NFXL1: variants seen among roughly 807,000 people sequenced by gnomAD.
NFXL1 encodes the protein NF-X1-type zinc finger protein NFXL1.
NFXL1 carries 66 observed loss-of-function variants against 123.3 expected under a neutral mutation model. The ratio of observed to expected loss-of-function variants is 0.54; its 90% CI spans 0.44 to 0.66. The LOEUF (loss-of-function observed/expected upper bound fraction) is 0.66. Among genes scored for constraint, NFXL1 ranks in the 30% least tolerant of loss-of-function variants. The pLI is 0.00. For missense variants in NFXL1, 944 were observed against 1,125.6 expected (o/e 0.84, Z 2.31); for synonymous variants, 346 against 360.8 (o/e 0.96, Z 0.46).
intron 5 of NFXL1, among the ~76,000 whole-genome samples, chr4:47,901,938 T>C (rs1737370851): frequency 6.6e-6 from 1 of 152,316 alleles, no homozygotes; most frequent in East Asian, 1.9e-4. Flanking sequence ...TCTCAGCACT[T>C]TGAGGGGCCA....
chr4:47,884,782 T>G (rs901581676), intron 14 of NFXL1, among the ~76,000 whole-genome samples: 1 of 152,178 alleles, frequency 6.6e-6, no homozygotes, highest in Non-Finnish European at 1.5e-5. Flanking sequence ...CTCACTGTTG[T>G]TCCTCAGCAC....
In NFXL1 at chr4:47,847,635, T is replaced by C. The variant is rs1733885308; in HGVS notation, c.*528A>G. ...GAACACGCCCCATGACATTTATTGA[T>C]AAAAATTCCTCACTAATAAACCAAT... On this transcript the variant is annotated 3_prime_UTR_variant, in exon 23 of 23. Transcript: ENST00000507489. The C allele has an allele frequency of 6.6e-6, 1 of 152,646 alleles. No homozygotes were observed. Among genetic ancestry groups the C allele is most frequent in the Admixed American group, 6.5e-5 (1 of 15,282 alleles). 9.5% of individuals were successfully genotyped at this position (152,646 alleles called of 1,614,324 possible). A position where few individuals can be genotyped will look rare whatever the true frequency, so the allele number is the denominator to read the frequency against.
chr4:47,890,585 T>G (rs749955530), intron 12 of NFXL1, 28 bp downstream of exon 12: 1 of 1,252,848 alleles, frequency 8.0e-7, no homozygotes, highest in Admixed American at 1.7e-5. Flanking sequence ...ACTACAAACA[T>G]AAAATCATAG....
At position 47,884,457 on chromosome 4, in the gene NFXL1, G is replaced by A. The variant is rs773916282; in HGVS notation, c.1825-20C>T. On this transcript the variant is annotated intron_variant, in intron 14 of 22. Coordinates refer to ENST00000507489, the MANE Select transcript of NFXL1 (RefSeq NM_001278624.2). ...CTGGTGCTACAAATAAAATACATAAGAATTTTAAGTCAGAGGGATTAAATC... is the reference window on the plus strand; with the variant it reads ...CTGGTGCTACAAATAAAATACATAAAAATTTTAAGTCAGAGGGATTAAATC... 1 of 1,469,374 alleles carries A rather than the reference G, an allele frequency of 6.8e-7. No individual in the cohort carries two copies. The allele number at this position is 1,469,374 out of a possible 1,614,324, so 91.0% of individuals were successfully genotyped here.
At chr4:47,892,633 T>C (rs1014318734) in intron 11 of NFXL1, among the ~76,000 whole-genome samples, 46 of 152,198 alleles carry the variant, frequency 3.0e-4, no homozygotes, top group African/African-American at 1.0e-3. Flanking sequence ...GCCTCAGTAA[T>C]GGGGCCAAAT....
intron 18 of NFXL1, among the ~76,000 whole-genome samples, chr4:47,874,130 A>G (rs2110064248): frequency 6.6e-6 from 1 of 152,356 alleles, no homozygotes; most frequent in South Asian, 2.1e-4. Flanking sequence ...CCAAACCACT[A>G]AAACTTTCTC....
At chr4:47,894,141 A>C (rs374081421) in intron 11 of NFXL1, 39 bp downstream of exon 11, 2 of 1,524,598 alleles carry the variant, frequency 1.3e-6, no homozygotes, top group African/African-American at 2.8e-5. Context: ...AATTCAATAT[A>C]GTCTTTAAAT....
chr4:47,903,096 A>C, intron 5 of NFXL1, 97 bp downstream of exon 5: 1 of 687,170 alleles, frequency 1.5e-6, no homozygotes, highest in Non-Finnish European at 2.3e-6. Flanking sequence ...TGGAGGTTGC[A>C]GTGAGCCAAG....
At chr4:47,875,011 G>A (rs1735660889) in intron 18 of NFXL1, 116 bp downstream of exon 18, 1 of 541,016 alleles carries the variant, frequency 1.8e-6, no homozygotes, top group South Asian at 3.9e-5. Flanking sequence ...GGTCTCTACT[G>A]GAAAATCTAG....
chr4:47,894,380 T>TA (rs1188222356), intron 10 of NFXL1, 78 bp from the exon 11 acceptor site: 16 of 1,060,144 alleles, frequency 1.5e-5, no homozygotes, highest in Non-Finnish European at 2.0e-5. Context: ...CTACAATTAT[T>TA]AAAACATAAT....
At chr4:47,900,266 GTGGCGC>G (rs1032505819) in intron 5 of NFXL1, among the ~76,000 whole-genome samples, 8 of 152,000 alleles carry the variant, frequency 5.3e-5, no homozygotes, top group African/African-American at 1.9e-4. Flanking sequence ...CTGGAGTATA[GTGGCGC>G]AATCTCGGCT....
chr4:47,852,055 T>G (rs1280107941), intron 20 of NFXL1, 113 bp from the exon 21 acceptor site: 1 of 607,566 alleles, frequency 1.6e-6, no homozygotes, highest in Non-Finnish European at 2.9e-6. Flanking sequence ...ATTTGATGTC[T>G]TAATATTTAA....
chr4:47,870,547 T>C (rs1199295070), intron 18 of NFXL1, among the ~76,000 whole-genome samples: 2 of 151,770 alleles, frequency 1.3e-5, no homozygotes, highest in East Asian at 3.9e-4. Flanking sequence ...TGATAGGAGA[T>C]GACAGAAATC....
intron 18 of NFXL1, among the ~76,000 whole-genome samples, chr4:47,874,483 C>T (rs564286949): frequency 6.6e-6 from 1 of 152,280 alleles, no homozygotes; most frequent in South Asian, 2.1e-4. Flanking sequence ...GCAGTTCAAT[C>T]ACACACAATA....
rs889751461 is a variant in NFXL1, at chr4:47,848,174, C to T, written c.2725G>A (p.Asp909Asn). The change falls in exon 23 of 23, where the codon GAT becomes AAT. Residue 909 changes from aspartate (D) to asparagine (N), a missense_variant. Asp to Asn is a conservative substitution (Grantham distance 23). Transcript: ENST00000507489. ...VVVFAWYITH[D>N]VN ...GATCAAAACTTTTTTTAATTGACAT[C>T]ATGGGTGATGTACCAGGCAAACACT... 6.3e-7 allele frequency: 1 copy of T among 1,577,324 alleles called. No homozygotes were observed. Among genetic ancestry groups the T allele is most frequent in the South Asian group, 1.2e-5 (1 of 84,890 alleles).
intron 22 of NFXL1, among the ~76,000 whole-genome samples, chr4:47,848,786 G>A (rs931812941): frequency 6.6e-6 from 1 of 152,136 alleles, no homozygotes. Flanking sequence ...CTACTCGGGA[G>A]GCTAAGGCAG....
chr4:47,857,604 A>G lies in NFXL1; in HGVS notation c.2317-2441T>C, dbSNP rs556117118. ...TGGCTAGGTCTTCTGCCTTCAATAA[A>G]TGTATCTTTTTTTCTCTAAACCCTT... On this transcript the variant is annotated intron_variant, in intron 19 of 22. Transcript: ENST00000507489. Among the ~76,000 whole-genome samples the G allele has an allele frequency of 1.1e-3, 175 of 152,274 alleles. 2 individuals carry two copies. Among genetic ancestry groups the G allele is most frequent in the African/African-American group, 4.1e-3 (172 of 41,558 alleles).
At chr4:47,866,390 C>T (rs1274155481) in intron 18 of NFXL1, among the ~76,000 whole-genome samples, 1 of 152,184 alleles carries the variant, frequency 6.6e-6, no homozygotes, top group Non-Finnish European at 1.5e-5. Flanking sequence ...CCCACACTGG[C>T]AAGAGAGTGG....
chr4:47,914,181 A>G lies in NFXL1; in HGVS notation c.23T>C (p.Val8Ala). The G allele has an allele frequency of 6.6e-7, 1 of 1,519,080 alleles. No individual in the cohort carries two copies. The highest frequency in any genetic ancestry group is 8.8e-7 in the Non-Finnish European group (1 of 1,131,508). The allele number at this position is 1,519,080 out of a possible 1,614,324, so 94.1% of individuals were successfully genotyped here. A position where few individuals can be genotyped will look rare whatever the true frequency, so the allele number is the denominator to read the frequency against. The change falls in exon 2 of 23, where the codon GTG becomes GCG. Residue 8 changes from valine to alanine, a missense_variant. This residue lies in a region of NFXL1 where 303 missense variants were observed against 292.1 expected (regional missense o/e 1.04). Coordinates refer to ENST00000507489, the MANE Select transcript of NFXL1 (RefSeq NM_001278624.2). ...CCGGGATCGGCCTCGGCCACCGGCC[A>G]CCTGGCGCCAGGAAGCTTCCATCCC... MEASWRQ[V>A]AGGRGRSRGR...
Sources: gnomAD v4.1 joint callset for allele counts (sites outside exome capture counted in the v4.1 genomes callset) on GRCh38, gnomAD v4.1.1 for gene constraint, gnomAD v4.1.1 regional missense constraint, MANE v1.5 for transcripts, NCBI Gene and HGNC (gene_info 2026-07-23, HGNC 2026-07-21) for gene names.